The following SOX13 variants were observed in gnomAD, a reference collection of about 807,000 sequenced individuals.
SOX13 encodes the protein SRY-box transcription factor 13, also known as transcription factor SOX-13.
In SOX13, 28 loss-of-function variants were observed where a neutral mutation model predicts 71.8. The observed-to-expected ratio is 0.39, with a 90% CI of 0.29 to 0.53. SOX13 has a LOEUF of 0.53. SOX13 is among the 20% of genes least tolerant of loss of function. The probability of loss-of-function intolerance (pLI) is 0.70; values close to 1 mark genes in which losing one functional copy is unlikely to be tolerated. For synonymous variants in SOX13, 309 were observed against 317.8 expected (o/e 0.97, Z 0.29); for missense variants, 627 against 810.3 (o/e 0.77, Z 2.75).
chr1:204,085,810 T>TA (rs893016637), intron 1 of SOX13, among the ~76,000 whole-genome samples: 72 of 146,466 alleles, frequency 4.9e-4, no homozygotes, highest in East Asian at 1.2e-3. Context: ...CCGTCTGTAC[T>TA]AAAAAAAAAA....
At chr1:204,124,901 T>C (rs1041416968) in intron 13 of SOX13, 44 bp downstream of exon 13, 6 of 1,409,052 alleles carry the variant, frequency 4.3e-6, no homozygotes, top group East Asian at 5.0e-5. Flanking sequence ...TGTGTGTACA[T>C]GTGTAGCTCT....
intron 6 of SOX13, 129 bp downstream of exon 6, chr1:204,117,319 T>G: frequency 2.5e-6 from 2 of 815,062 alleles, no homozygotes; most frequent in Non-Finnish European, 4.2e-6. Flanking sequence ...AGGCCTGACC[T>G]GAGGAGGGTT....
intron 1 of SOX13, among the ~76,000 whole-genome samples, chr1:204,101,737 G>C (rs1312335098): frequency 2.6e-5 from 4 of 152,098 alleles, no homozygotes; most frequent in Non-Finnish European, 4.4e-5. Flanking sequence ...CAATGAATCT[G>C]AGGTGTAAAG....
intron 1 of SOX13, among the ~76,000 whole-genome samples, chr1:204,083,109 T>C (rs77930975): frequency 0.021 from 3,194 of 152,312 alleles, 116 homozygotes; most frequent in African/African-American, 0.072. Flanking sequence ...GTTACCCTTT[T>C]CTGGGCACTG....
intron 1 of SOX13, among the ~76,000 whole-genome samples, chr1:204,090,408 C>CTT (rs67694415): frequency 2.3e-4 from 27 of 118,516 alleles, no homozygotes; most frequent in African/African-American, 4.8e-4. Flanking sequence ...TCTTCTTCTT[C>CTT]TTTTTTTTTT....
At chr1:204,104,109 C>G (rs1656411394) in intron 1 of SOX13, among the ~76,000 whole-genome samples, 2 of 152,218 alleles carry the variant, frequency 1.3e-5, no homozygotes, top group Admixed American at 1.3e-4. Context: ...GAAGCTCAGG[C>G]TGGACTGTGA....
At chr1:204,084,989 A>T (rs1422429701) in intron 1 of SOX13, among the ~76,000 whole-genome samples, 1 of 152,194 alleles carries the variant, frequency 6.6e-6, no homozygotes, top group Non-Finnish European at 1.5e-5. Context: ...TGGGAAAAGC[A>T]TCTGGAGATT....
At chr1:204,095,269 G>C (rs751930280) in intron 1 of SOX13, among the ~76,000 whole-genome samples, 4 of 152,210 alleles carry the variant, frequency 2.6e-5, no homozygotes, top group Non-Finnish European at 5.9e-5. Flanking sequence ...GATTTTAGGG[G>C]AAGACTAAAT....
At position 204,125,890 on chromosome 1, in the gene SOX13, C is replaced by T. The variant is rs753273954; in HGVS notation, c.1625C>T (p.Ser542Leu). 9.3e-6 allele frequency: 15 copies of T among 1,612,824 alleles called. No homozygotes were observed. Among genetic ancestry groups the T allele is most frequent in the Middle Eastern group, 1.6e-4 (1 of 6,062 alleles). Residue 542 changes from serine to leucine, a missense_variant, in exon 14 of 14, where the codon TCA becomes TTA. Ser to Leu is a moderately radical substitution (Grantham distance 145). Coordinates refer to ENST00000367204, the MANE Select transcript of SOX13 (RefSeq NM_005686.3). ...GCTGGCCAGGTGCAGATGAGCTCCT[C>T]AGATGTCCTGTACCCTCGGGCAGCA... ...PQAGQVQMSS[S>L]DVLYPRAAGM...
intron 1 of SOX13, among the ~76,000 whole-genome samples, chr1:204,111,142 G>A (rs1656572890): frequency 6.6e-6 from 1 of 152,144 alleles, no homozygotes; most frequent in Non-Finnish European, 1.5e-5. Context: ...GATGTTATTT[G>A]GAAATGTGAT....
intron 13 of SOX13, among the ~76,000 whole-genome samples, chr1:204,125,318 A>T (rs1358434850): frequency 6.6e-6 from 1 of 152,140 alleles, no homozygotes; most frequent in Non-Finnish European, 1.5e-5. Context: ...TAATGCCAAC[A>T]CTTTGGGAGG....
chr1:204,106,340 T>C (rs1452308431), intron 1 of SOX13, among the ~76,000 whole-genome samples: 1 of 152,270 alleles, frequency 6.6e-6, no homozygotes, highest in East Asian at 1.9e-4. Flanking sequence ...ACAGTATCCA[T>C]CACCTGTTAA....
intron 1 of SOX13, among the ~76,000 whole-genome samples, chr1:204,086,552 C>T (rs955783821): frequency 6.6e-6 from 1 of 152,134 alleles, no homozygotes; most frequent in African/African-American, 2.4e-5. Flanking sequence ...CTGCCCGCCT[C>T]GGCCTTCCAA....
chr1:204,121,958 G>A lies in SOX13; in HGVS notation c.834G>A (p.Gly278=). The A allele has an allele frequency of 3.7e-6, 6 of 1,610,910 alleles. No individual in the cohort carries two copies. Among genetic ancestry groups the A allele is most frequent in the Non-Finnish European group, 5.1e-6 (6 of 1,177,366 alleles). Residue 278 remains glycine, a synonymous_variant, in exon 8 of 14, where the codon GGG becomes GGA. Coordinates refer to ENST00000367204, the MANE Select transcript of SOX13 (RefSeq NM_005686.3). ...CTGCCCCAGTGGTGAAGAGGCCTGG[G>A]GCCATGGCCACCCACCACCCCCTGC... ...SPPAPVVKRP[G]AMATHHPLQE... is the part of the protein sequence containing the mutation.
At chr1:204,110,291 C>T (rs1656554150) in intron 1 of SOX13, among the ~76,000 whole-genome samples, 1 of 147,970 alleles carries the variant, frequency 6.8e-6, no homozygotes. Context: ...CCATGCCCAG[C>T]TAATTTTTGT....
chr1:204,123,362 G>A lies in SOX13; in HGVS notation c.1231+154G>A, dbSNP rs979726562. On this transcript the variant is annotated intron_variant, in intron 11 of 13. Coordinates refer to ENST00000367204, the MANE Select transcript of SOX13 (RefSeq NM_005686.3). The surrounding 1 kb of genome is among the most constrained non-coding windows in gnomAD (Gnocchi z 5.0). ...TCTGCTGTCCCATTATGTGTCTGTC[G>A]GCTCTGTCTCTGAGTCTGCTTTCCT... is the stretch of plus-strand genomic sequence containing the variant. 6.6e-6 allele frequency among the ~76,000 whole-genome samples: 1 copy of A among 152,248 alleles called. No individual in the cohort carries two copies. The highest frequency in any genetic ancestry group is 1.5e-5 in the Non-Finnish European group (1 of 68,008).
At chr1:204,094,774 C>T (rs1254425987) in intron 1 of SOX13, among the ~76,000 whole-genome samples, 2 of 152,178 alleles carry the variant, frequency 1.3e-5, no homozygotes, top group Admixed American at 6.5e-5. Flanking sequence ...TAAGTGGGAA[C>T]TGGGATAATT....
In SOX13 at chr1:204,113,024, C is replaced by T; in HGVS notation, c.109C>T (p.Pro37Ser). ...EEKKEPCHEA[P>S]QGSATAAEPQ... ...GAAGAAAGAGCCTTGCCACGAGGCC[C>T]CCCAGGGCTCAGCCACTGCCGCTGA... Residue 37 changes from proline to serine, a missense_variant, in exon 2 of 14, where the codon CCC becomes TCC. Transcript: ENST00000367204. 1 of 1,612,636 alleles carries T rather than the reference C, an allele frequency of 6.2e-7. No homozygotes were observed. Among genetic ancestry groups the T allele is most frequent in the Non-Finnish European group, 8.5e-7 (1 of 1,179,606 alleles).
At chr1:204,093,468 G>A (rs1018474513) in intron 1 of SOX13, among the ~76,000 whole-genome samples, 1 of 152,196 alleles carries the variant, frequency 6.6e-6, no homozygotes, top group Admixed American at 6.5e-5. Context: ...TTGGACCCTG[G>A]GTGCTCAGGA....
Sources: gnomAD v4.1 joint callset for allele counts (sites outside exome capture counted in the v4.1 genomes callset) on GRCh38, gnomAD v4.1.1 for gene constraint, Gnocchi (gnomAD v3.1) non-coding constraint, MANE v1.5 for transcripts, NCBI Gene and HGNC (gene_info 2026-07-23, HGNC 2026-07-21) for gene names.